Variants in ROBO2 observed in about 807,000 individuals in gnomAD.
ROBO2 encodes the protein roundabout homolog 2.
ROBO2 carries 53 observed loss-of-function variants against 160.8 expected under a neutral mutation model. That is an observed-to-expected ratio of 0.33 (90% CI 0.26 to 0.41). The LOEUF is 0.41. Among genes scored for constraint, ROBO2 ranks in the 10% least tolerant of loss-of-function variants. The pLI is 1.00. For missense variants in ROBO2, 1,577 were observed against 1,722.4 expected (o/e 0.92, Z 1.49); for synonymous variants, 664 against 611.7 (o/e 1.09, Z -1.26).
At chr3:77,240,626 G>A (rs115013225) in intron 2 of ROBO2, among the ~76,000 whole-genome samples, 150 of 152,332 alleles carry the variant, frequency 9.8e-4, no homozygotes, top group African/African-American at 3.4e-3. Context: ...CCACCAGCAC[G>A]TTGTCACCTC....
intron 2 of ROBO2, among the ~76,000 whole-genome samples, chr3:76,974,056 C>A (rs868582268): frequency 3.9e-5 from 6 of 152,174 alleles, no homozygotes; most frequent in Non-Finnish European, 8.8e-5. Context: ...TAACAAATCA[C>A]AGGATTTACA....
In ROBO2 at chr3:76,665,906, A is replaced by AAT. The variant is rs1560335292; in HGVS notation, c.110-432104_110-432103dup. Among the ~76,000 whole-genome samples, 496 of 63,196 alleles carry AAT rather than the reference A, an allele frequency of 7.8e-3. 8 individuals carry two copies. The highest frequency in any genetic ancestry group is 0.019 in the African/African-American group (474 of 24,384). 41.5% of individuals were successfully genotyped at this position (63,196 alleles called of 152,430 possible). A position where few individuals can be genotyped will look rare whatever the true frequency, so the allele number is the denominator to read the frequency against. Reference sequence around the variant, plus strand: ...TATATAATATATACATATTATATATAATATACACATATTTTATATGTAATA... The same window carrying AAT: ...TATATAATATATACATATTATATATAATATATACACATATTTTATATGTAATA... On this transcript the variant is annotated intron_variant, in intron 2 of 26. Coordinates refer to the ROBO2 transcript ENST00000487694.
intron 2 of ROBO2, among the ~76,000 whole-genome samples, chr3:77,170,124 C>T (rs2079493499): frequency 6.6e-6 from 1 of 152,118 alleles, no homozygotes; most frequent in African/African-American, 2.4e-5. Flanking sequence ...CATTCTCTGT[C>T]ACTGTAGCTG....
chr3:77,206,000 G>A (rs921560572), intron 2 of ROBO2, among the ~76,000 whole-genome samples: 2 of 152,074 alleles, frequency 1.3e-5, no homozygotes, highest in African/African-American at 2.4e-5. Context: ...CCCTCTGAAT[G>A]CCCTGAGGAA....
At chr3:77,590,230 A>G (rs878881868) in intron 17 of ROBO2, among the ~76,000 whole-genome samples, 18 of 152,134 alleles carry the variant, frequency 1.2e-4, no homozygotes, top group Non-Finnish European at 7.4e-5. Flanking sequence ...ATATCCATTG[A>G]CAAGAGGCTT....
At position 76,939,995 on chromosome 3, in the gene ROBO2, T is replaced by TTTTTTG. The variant is rs2078054044; in HGVS notation, c.110-158015_110-158014insTGTTTT. Among the ~76,000 whole-genome samples, 2 of 140,912 alleles carry TTTTTTG rather than the reference T, an allele frequency of 1.4e-5. 1 individual carries two copies. Among genetic ancestry groups the TTTTTTG allele is most frequent in the East Asian group, 4.2e-4 (2 of 4,730 alleles). 92.4% of individuals were successfully genotyped at this position (140,912 alleles called of 152,430 possible). A position where few individuals can be genotyped will look rare whatever the true frequency, so the allele number is the denominator to read the frequency against. ...AGCAACAGGATTTTTTTTTTTTTTT[T>TTTTTTG]TTTTGAGACGGAGTCTCGCTGTGTC... is the stretch of plus-strand genomic sequence containing the variant. On this transcript the variant is annotated intron_variant, in intron 2 of 26. Transcript: ENST00000487694.
At chr3:76,905,372 A>G (rs2148897404) in intron 2 of ROBO2, among the ~76,000 whole-genome samples, 1 of 152,360 alleles carries the variant, frequency 6.6e-6, no homozygotes, top group East Asian at 1.9e-4. Context: ...GAAACTATCA[A>G]GGGAGACTCG....
chr3:76,571,542 A>T (rs1424599018), intron 2 of ROBO2, among the ~76,000 whole-genome samples: 1 of 152,132 alleles, frequency 6.6e-6, no homozygotes, highest in Non-Finnish European at 1.5e-5. Context: ...AATTAAGATA[A>T]TGGTAGAGTT....
At chr3:77,421,347 A>G (rs1216281352) in intron 2 of ROBO2, among the ~76,000 whole-genome samples, 1 of 152,032 alleles carries the variant, frequency 6.6e-6, no homozygotes, top group Non-Finnish European at 1.5e-5. Flanking sequence ...CATTTTATGT[A>G]TTTTGTTTTA....
At chr3:77,496,068 G>T (rs2086742646) in intron 5 of ROBO2, among the ~76,000 whole-genome samples, 1 of 152,112 alleles carries the variant, frequency 6.6e-6, no homozygotes, top group Admixed American at 6.6e-5. Flanking sequence ...TGATATCAAG[G>T]CCACTAAACA....
rs1258313289 is a variant in ROBO2, at chr3:76,141,139, CTCTCTCTCTCTCTCTCTCTCTATATA to C, written c.109+203539_109+203564del. Among the ~76,000 whole-genome samples the C allele has an allele frequency of 2.2e-3, 136 of 60,692 alleles. 3 individuals carry two copies. Among genetic ancestry groups the C allele is most frequent in the African/African-American group, 9.2e-3 (130 of 14,172 alleles). The allele number at this position is 60,692 out of a possible 152,430, so 39.8% of individuals were successfully genotyped here. On this transcript the variant is annotated intron_variant, in intron 2 of 26. Coordinates refer to the ROBO2 transcript ENST00000487694. ...ATGCTCTCTCTCTCTCTCTCTCTCTCTCTCTCTCTCTCTCTCTCTCTATATATATATATATATATATATATATATTT... is the reference window on the plus strand; with the variant it reads ...ATGCTCTCTCTCTCTCTCTCTCTCTCTATATATATATATATATATATATTT...
At chr3:76,745,142 C>T (rs923570874) in intron 2 of ROBO2, among the ~76,000 whole-genome samples, 13 of 151,968 alleles carry the variant, frequency 8.6e-5, no homozygotes, top group African/African-American at 2.9e-4. Flanking sequence ...ATTTTATTTG[C>T]GTATTAACAA....
intron 2 of ROBO2, among the ~76,000 whole-genome samples, chr3:76,667,604 T>C (rs2092099369): frequency 6.7e-6 from 1 of 149,748 alleles, no homozygotes; most frequent in South Asian, 2.1e-4. Context: ...CATATTTTAA[T>C]TGAACATTAA....
intron 2 of ROBO2, among the ~76,000 whole-genome samples, chr3:77,311,088 T>C (rs545149383): frequency 6.6e-6 from 1 of 152,278 alleles, no homozygotes; most frequent in East Asian, 1.9e-4. Flanking sequence ...CAAAACAAAA[T>C]CTAAGATGCA....
intron 2 of ROBO2, among the ~76,000 whole-genome samples, chr3:77,391,869 CT>C (rs374547378): frequency 4.5e-4 from 69 of 152,124 alleles, no homozygotes; most frequent in African/African-American, 1.5e-3. Context: ...CGAAAGCATT[CT>C]TTTTTTGTAA....
chr3:76,897,233 ATTC>A, intron 2 of ROBO2, among the ~76,000 whole-genome samples: 1 of 152,238 alleles, frequency 6.6e-6, no homozygotes, highest in African/African-American at 2.4e-5. Context: ...TGCTAATTAT[ATTC>A]TTGTGTAACT....
intron 2 of ROBO2, among the ~76,000 whole-genome samples, chr3:76,925,869 A>T (rs1426094013): frequency 6.6e-6 from 1 of 152,204 alleles, no homozygotes; most frequent in South Asian, 2.1e-4. Context: ...ACTCCTATGG[A>T]TAAAGCCAGT....
At chr3:76,851,022 A>G (rs186238691) in intron 2 of ROBO2, among the ~76,000 whole-genome samples, 116 of 152,296 alleles carry the variant, frequency 7.6e-4, no homozygotes, top group African/African-American at 2.8e-3. Flanking sequence ...TTGCTTCTGT[A>G]AGTGATTTGT....
intron 2 of ROBO2, among the ~76,000 whole-genome samples, chr3:76,018,312 A>C (rs1400400402): frequency 9.9e-5 from 15 of 151,960 alleles, no homozygotes; most frequent in Non-Finnish European, 1.8e-4. Flanking sequence ...GTTGATATGT[A>C]TTTAGGAAAG....
Sources: gnomAD v4.1 joint callset for allele counts (sites outside exome capture counted in the v4.1 genomes callset) on GRCh38, gnomAD v4.1.1 for gene constraint, MANE v1.5 for transcripts, NCBI Gene and HGNC (gene_info 2026-07-23, HGNC 2026-07-21) for gene names.